Variants in SLC41A2 observed in about 807,000 individuals in gnomAD.
SLC41A2 encodes the protein SLC41A1-like 1.
SLC41A2 carries 32 observed loss-of-function variants against 58.3 expected under a neutral mutation model. The observed-to-expected ratio is 0.55, with a 90% CI of 0.41 to 0.74. The LOEUF (loss-of-function observed/expected upper bound fraction) is 0.74, where lower values mean the gene tolerates loss of function less well. Ranked by LOEUF, SLC41A2 falls within the 30% of genes least tolerant of loss-of-function variation. The probability of loss-of-function intolerance (pLI) is 0.00; values close to 1 mark genes in which losing one functional copy is unlikely to be tolerated. For synonymous variants in SLC41A2, 190 were observed against 235.0 expected (o/e 0.81, Z 1.75); for missense variants, 514 against 680.6 (o/e 0.76, Z 2.72).
rs375969264 is a variant in SLC41A2, at chr12:104,955,016, CTTTTTTT to C, written c.-168+3065_-168+3071del. Among the ~76,000 whole-genome samples the C allele has an allele frequency of 4.1e-3, 323 of 79,166 alleles. 2 individuals are homozygous for C. Among genetic ancestry groups the C allele is most frequent in the African/African-American group, 0.016 (303 of 19,240 alleles). 51.9% of individuals were successfully genotyped at this position (79,166 alleles called of 152,430 possible). On this transcript the variant is annotated intron_variant, in intron 1 of 10. Coordinates refer to ENST00000258538, the MANE Select transcript of SLC41A2 (RefSeq NM_001352171.3). ...AACAGCCCCTGACTCTTGGCCCTTG[CTTTTTTT>C]TTTTTTTTTTTTTTTTTGAGTTAAG...
At chr12:104,875,850 A>G (rs73191772) in intron 6 of SLC41A2, among the ~76,000 whole-genome samples, 3,328 of 152,236 alleles carry the variant, frequency 0.022, 46 homozygotes, top group Middle Eastern at 0.065. Context: ...CTCTAGTTCT[A>G]TGTTTTTGGA....
At chr12:104,931,590 T>C (rs564679013) in intron 1 of SLC41A2, 2 of 152,300 alleles carry the variant, frequency 1.3e-5, no homozygotes, top group East Asian at 3.9e-4. Flanking sequence ...TGATAAAGGC[T>C]ATGGAGGAAA....
chr12:104,849,337 T>G (rs1241808071), intron 8 of SLC41A2, among the ~76,000 whole-genome samples: 1 of 152,150 alleles, frequency 6.6e-6, no homozygotes, highest in Admixed American at 6.6e-5. Flanking sequence ...AAATCCTACA[T>G]GTAGAGAGAA....
intron 10 of SLC41A2, among the ~76,000 whole-genome samples, chr12:104,810,405 ATAT>A (rs2041121406): frequency 6.6e-6 from 1 of 152,166 alleles, no homozygotes; most frequent in South Asian, 2.1e-4. Context: ...TTTATATTAC[ATAT>A]TATAATATTA....
At chr12:104,864,595 G>A (rs1478805496) in intron 7 of SLC41A2, among the ~76,000 whole-genome samples, 1 of 151,918 alleles carries the variant, frequency 6.6e-6, no homozygotes, top group Non-Finnish European at 1.5e-5. Flanking sequence ...TCAGTTCTGG[G>A]AATTTTCTTG....
chr12:104,954,764 G>T (rs2048086656), intron 1 of SLC41A2, among the ~76,000 whole-genome samples: 1 of 152,126 alleles, frequency 6.6e-6, no homozygotes, highest in Non-Finnish European at 1.5e-5. Context: ...GCAGAGTTAG[G>T]CTATGCTTCA....
At chr12:104,874,264 T>C (rs2043938899) in intron 6 of SLC41A2, among the ~76,000 whole-genome samples, 2 of 151,992 alleles carry the variant, frequency 1.3e-5, no homozygotes, top group South Asian at 4.1e-4. Context: ...TTAGTAAAGA[T>C]GGGTTTTCAC....
chr12:104,906,116 G>A (rs1481398217), intron 3 of SLC41A2, among the ~76,000 whole-genome samples: 1 of 152,242 alleles, frequency 6.6e-6, no homozygotes, highest in Admixed American at 6.5e-5. Flanking sequence ...TCTTCTTAAA[G>A]ATAAAAGCTA....
intron 6 of SLC41A2, among the ~76,000 whole-genome samples, chr12:104,882,170 A>G (rs547113873): frequency 7.3e-5 from 11 of 151,384 alleles, no homozygotes; most frequent in African/African-American, 2.4e-4. Context: ...CATTTGCTTG[A>G]TAGATCTTCC....
intron 2 of SLC41A2, among the ~76,000 whole-genome samples, chr12:104,922,856 G>A (rs2046659244): frequency 6.6e-6 from 1 of 151,992 alleles, no homozygotes; most frequent in South Asian, 2.1e-4. Flanking sequence ...AATAAGACTA[G>A]AATCAATAAG....
chr12:104,952,986 G>C (rs2048012844), intron 1 of SLC41A2, among the ~76,000 whole-genome samples: 1 of 152,108 alleles, frequency 6.6e-6, no homozygotes, highest in African/African-American at 2.4e-5. Flanking sequence ...CTTAACCAAT[G>C]CTTATTACGC....
intron 4 of SLC41A2, among the ~76,000 whole-genome samples, chr12:104,891,974 T>C (rs2044998498): frequency 6.6e-6 from 1 of 151,884 alleles, no homozygotes; most frequent in Admixed American, 6.6e-5. Flanking sequence ...GACCTAGAAA[T>C]AACCAAAGAC....
intron 2 of SLC41A2, among the ~76,000 whole-genome samples, chr12:104,921,350 CAAAG>C (rs1329961311): frequency 2.0e-5 from 3 of 151,714 alleles, no homozygotes; most frequent in Non-Finnish European, 2.9e-5. Context: ...TCTCAAAAGT[CAAAG>C]AGAGAGAATC....
At chr12:104,956,122 C>T (rs2048158923) in intron 1 of SLC41A2, among the ~76,000 whole-genome samples, 1 of 152,186 alleles carries the variant, frequency 6.6e-6, no homozygotes, top group African/African-American at 2.4e-5. Context: ...AGGGTGGTCT[C>T]TCTTGACTCC....
intron 10 of SLC41A2, among the ~76,000 whole-genome samples, chr12:104,818,007 T>C (rs746304294): frequency 8.5e-5 from 13 of 152,200 alleles, no homozygotes; most frequent in African/African-American, 3.1e-4. Flanking sequence ...AAAATGATAA[T>C]TTTGTGAGGA....
chr12:104,918,028 C>T (rs1294033328), intron 2 of SLC41A2, among the ~76,000 whole-genome samples: 2 of 146,888 alleles, frequency 1.4e-5, no homozygotes, highest in Non-Finnish European at 3.0e-5. Flanking sequence ...GAAAATAAAC[C>T]TATTCACTTT....
In SLC41A2 at chr12:104,928,086, T is replaced by C. The variant is rs2046914467; in HGVS notation, c.442A>G (p.Thr148Ala). 3 of 1,614,034 alleles carry C rather than the reference T, an allele frequency of 1.9e-6. No homozygotes were observed. Among genetic ancestry groups the C allele is most frequent in the Non-Finnish European group, 2.5e-6 (3 of 1,180,018 alleles). The change falls in exon 2 of 11, where the codon ACC (threonine) becomes GCC (alanine). Residue 148 changes from threonine (T) to alanine (A), a missense_variant. By Grantham distance (58) the Thr-to-Ala change is moderately conservative. Around this residue, in one of 3 missense-constraint regions of SLC41A2, gnomAD observed 336 missense variants for 430.0 expected, o/e 0.78. Coordinates refer to ENST00000258538, the MANE Select transcript of SLC41A2 (RefSeq NM_001352171.3). ...DGDEDAIVEV[T>A]PKLPKESSGI... is the part of the protein sequence containing the mutation. ...CTGGATTCCTTTGGTAATTTTGGGG[T>C]CACTTCTACAATAGCATCTTCATCA...
chr12:104,954,200 A>T (rs1411476995), intron 1 of SLC41A2, among the ~76,000 whole-genome samples: 1 of 152,210 alleles, frequency 6.6e-6, no homozygotes, highest in Non-Finnish European at 1.5e-5. Flanking sequence ...TCCTCAAGTC[A>T]AAACTCCCAC....
intron 2 of SLC41A2, among the ~76,000 whole-genome samples, chr12:104,926,662 T>C (rs1186156253): frequency 1.3e-5 from 2 of 150,436 alleles, no homozygotes; most frequent in South Asian, 2.1e-4. Context: ...AAATAAAAGA[T>C]ACAAAAAATA....
Sources: allele counts gnomAD v4.1 joint callset (sites outside exome capture counted in the v4.1 genomes callset), GRCh38; gene constraint gnomAD v4.1.1; regional missense constraint gnomAD v4.1.1; transcripts MANE v1.5; gene names NCBI Gene and HGNC (gene_info 2026-07-23, HGNC 2026-07-21).